The following TMSB10 variants were observed in gnomAD, a reference collection of about 807,000 sequenced individuals.
The protein encoded by TMSB10 is thymosin beta 10, also known as thymosin beta-10.
A neutral mutation model predicts 4.5 loss-of-function variants in TMSB10; 4 were observed. The observed-to-expected ratio is 0.89, with a 90% confidence interval of 0.44 to 2.03. TMSB10 has a LOEUF of 2.03. Ranked by LOEUF, TMSB10 falls within the 30% of genes most tolerant of loss-of-function variation. The pLI, the probability that TMSB10 is intolerant of heterozygous loss-of-function variation, is 0.03. For synonymous variants in TMSB10, 17 were observed against 20.3 expected, an observed-to-expected ratio of 0.84 and a Z score of 0.44; for missense variants, 44 against 53.9, an observed-to-expected ratio of 0.82 and a Z score of 0.57.
intron 1 of TMSB10, 132 bp downstream of exon 1, chr2:84,905,850 CGAGAA>C (rs986524362): frequency 1.8e-6 from 1 of 571,274 alleles, no homozygotes; most frequent in African/African-American, 2.0e-5. Context: ...GCCCTGGGAC[CGAGAA>C]GAGGGGTGCG....
Position 84,906,582 on chromosome 2 carries a change from C to A in TMSB10, c.*159C>A, listed in dbSNP as rs899404539. 26 of 639,840 alleles carry A rather than the reference C, an allele frequency of 4.1e-5. No homozygotes were observed. The highest frequency in any genetic ancestry group is 5.7e-5 in the African/African-American group (3 of 52,740). The allele number at this position is 639,840 out of a possible 1,614,324, so 39.6% of individuals were successfully genotyped here. ...TGTGGGTCTCTGAAGGGACCCCCCC[C>A]CAATCGGACTGCCAAATTCTCCGGT... On this transcript the variant is annotated 3_prime_UTR_variant, in exon 3 of 3. Coordinates refer to ENST00000233143, the MANE Select transcript of TMSB10 (RefSeq NM_021103.4).
At chr2:84,905,949 G>C in intron 1 of TMSB10, 54 bp from the exon 2 acceptor site, 1 of 1,486,318 alleles carries the variant, frequency 6.7e-7, no homozygotes, top group Admixed American at 1.8e-5. Flanking sequence ...CGGGGAGCGC[G>C]GAAGGGGACG....
chr2:84,905,974 C>G, intron 1 of TMSB10, 29 bp from the exon 2 acceptor site: 1 of 1,589,864 alleles, frequency 6.3e-7, no homozygotes, highest in African/African-American at 1.3e-5. Context: ...CCCCCAGGCC[C>G]AGGTCAAGCG....
intron 1 of TMSB10, 131 bp from the exon 2 acceptor site, chr2:84,905,872 G>C (rs1683683908): frequency 1.5e-6 from 1 of 668,732 alleles, no homozygotes; most frequent in East Asian, 3.1e-5. Flanking sequence ...TGCGGGACGC[G>C]CCCAGATCCT....
intron 2 of TMSB10, 102 bp from the exon 3 acceptor site, chr2:84,906,286 TA>T (rs1326613860): frequency 3.4e-6 from 5 of 1,475,568 alleles, no homozygotes; most frequent in Non-Finnish European, 4.5e-6. Flanking sequence ...AGCTTCCTTC[TA>T]AATCCCCACA....
intron 2 of TMSB10, 68 bp from the exon 3 acceptor site, chr2:84,906,321 C>A: frequency 1.3e-6 from 2 of 1,535,786 alleles, no homozygotes; most frequent in Non-Finnish European, 1.8e-6. Context: ...TCGCCCACAC[C>A]GGGAAGCACC....
intron 1 of TMSB10, 41 bp from the exon 2 acceptor site, chr2:84,905,962 G>A: frequency 6.5e-7 from 1 of 1,548,942 alleles, no homozygotes; most frequent in Non-Finnish European, 8.9e-7. Context: ...AGGGGACGCT[G>A]GCCCCCAGGC....
intron 1 of TMSB10, 54 bp from the exon 2 acceptor site, chr2:84,905,949 G>T (rs773647847): frequency 7.8e-5 from 116 of 1,486,200 alleles, no homozygotes; most frequent in Non-Finnish European, 1.0e-4. Flanking sequence ...CGGGGAGCGC[G>T]GAAGGGGACG....
chr2:84,906,191 C>A (rs1683689447), intron 2 of TMSB10, 74 bp downstream of exon 2: 1 of 1,467,552 alleles, frequency 6.8e-7, no homozygotes, highest in Non-Finnish European at 9.3e-7. Context: ...CACTCCTCCA[C>A]CCCCCACCCC....
Position 84,906,019 on chromosome 2 carries a change from TG to T in TMSB10, c.4del (p.Ala2?). The T allele has an allele frequency of 6.2e-7, 1 of 1,613,748 alleles. No individual in the cohort carries two copies. The highest frequency in any genetic ancestry group is 8.5e-7 in the Non-Finnish European group (1 of 1,179,878). On this transcript the variant is annotated frameshift_variant and start_lost, in exon 2 of 3. Coordinates refer to ENST00000233143, the MANE Select transcript of TMSB10 (RefSeq NM_021103.4). LOFTEE classifies it high-confidence loss of function. ...GCCCACTAGGATTGTTTTAAGAAAA[TG>T]GCAGACAAACCAGACATGGGGGAAA... [M>X]ADKPDMGEIA...
At position 84,906,612 on chromosome 2, in the gene TMSB10, C is replaced by T. The variant is rs763562280; in HGVS notation, c.*189C>T. 2.0e-4 allele frequency: 101 copies of T among 517,734 alleles called. No homozygotes were observed. Among genetic ancestry groups the T allele is most frequent in the Non-Finnish European group, 2.7e-4 (81 of 305,260 alleles). 32.1% of individuals were successfully genotyped at this position (517,734 alleles called of 1,614,324 possible). On this transcript the variant is annotated 3_prime_UTR_variant, in exon 3 of 3. Transcript: ENST00000233143. ...CGGACTGCCAAATTCTCCGGTTTGC[C>T]CCGGGATATTATAGAAAATTATTTG...
chr2:84,906,257 T>G (rs937410148), intron 2 of TMSB10, 132 bp from the exon 3 acceptor site: 2 of 1,438,054 alleles, frequency 1.4e-6, no homozygotes, highest in Admixed American at 2.4e-5. Context: ...ACAAAGCGCC[T>G]TGTTTCTCCC....
rs527609103 is a variant in TMSB10 at position 84,906,513 on chromosome 2, A to G, written c.*90A>G. The stretch of plus-strand genomic sequence containing the variant: ...ACCTGCAAGATGGACACGAGCCACA[A>G]GCTGCACTGTGAACCTGGGCACTCC... On this transcript the variant is annotated 3_prime_UTR_variant, in exon 3 of 3. Coordinates refer to ENST00000233143, the MANE Select transcript of TMSB10 (RefSeq NM_021103.4). 6.8e-7 allele frequency: 1 copy of G among 1,477,810 alleles called. No individual in the cohort carries two copies. Among genetic ancestry groups the G allele is most frequent in the South Asian group, 1.2e-5 (1 of 80,508 alleles). The allele number at this position is 1,477,810 out of a possible 1,614,324, so 91.5% of individuals were successfully genotyped here. A position where few individuals can be genotyped will look rare whatever the true frequency, so the allele number is the denominator to read the frequency against.
Position 84,906,555 on chromosome 2 carries a change from C to A in TMSB10, c.*132C>A. On this transcript the variant is annotated 3_prime_UTR_variant, in exon 3 of 3. Coordinates refer to ENST00000233143, the MANE Select transcript of TMSB10 (RefSeq NM_021103.4). ...GGGCACTCCGCGCCGATGCCACCGG[C>A]CTGTGGGTCTCTGAAGGGACCCCCC... The A allele has an allele frequency of 9.6e-7, 1 of 1,044,504 alleles. No individual in the cohort carries two copies. Among genetic ancestry groups the A allele is most frequent in the Non-Finnish European group, 1.3e-6 (1 of 759,202 alleles). 64.7% of individuals were successfully genotyped at this position (1,044,504 alleles called of 1,614,324 possible).
chr2:84,905,827 G>A, intron 1 of TMSB10, 109 bp downstream of exon 1: 1 of 467,866 alleles, frequency 2.1e-6, no homozygotes, highest in Non-Finnish European at 3.8e-6. Flanking sequence ...CGGACGCAGG[G>A]GCCGGCGACC....
chr2:84,906,552 C>A lies in TMSB10; in HGVS notation c.*129C>A. ...CCTGGGCACTCCGCGCCGATGCCACCGGCCTGTGGGTCTCTGAAGGGACCC... is the reference window on the plus strand; with the variant it reads ...CCTGGGCACTCCGCGCCGATGCCACAGGCCTGTGGGTCTCTGAAGGGACCC... On this transcript the variant is annotated 3_prime_UTR_variant, in exon 3 of 3. Transcript: ENST00000233143. The A allele has an allele frequency of 9.1e-7, 1 of 1,097,374 alleles. No homozygotes were observed. Among genetic ancestry groups the A allele is most frequent in the South Asian group, 1.8e-5 (1 of 56,892 alleles). 68.0% of individuals were successfully genotyped at this position (1,097,374 alleles called of 1,614,324 possible).
chr2:84,906,085 C>T lies in TMSB10; in HGVS notation c.68C>T (p.Thr23Met). ...AAGGCCAAGCTGAAGAAAACGGAGACGCAGGAGAAGAACACCCTGCCGACC... is the reference window on the plus strand; with the variant it reads ...AAGGCCAAGCTGAAGAAAACGGAGATGCAGGAGAAGAACACCCTGCCGACC... ...FDKAKLKKTE[T>M]QEKNTLPTKE... Residue 23 changes from threonine to methionine, a missense_variant, in exon 2 of 3, where the codon ACG becomes ATG. Thr to Met is a moderately conservative substitution (Grantham distance 81). Coordinates refer to ENST00000233143, the MANE Select transcript of TMSB10 (RefSeq NM_021103.4). 1.2e-6 allele frequency: 2 copies of T among 1,614,060 alleles called. No homozygotes were observed. Among genetic ancestry groups the T allele is most frequent in the Non-Finnish European group, 1.7e-6 (2 of 1,179,986 alleles).
chr2:84,906,641 G>A lies in TMSB10; in HGVS notation c.*218G>A, dbSNP rs549942896. On this transcript the variant is annotated 3_prime_UTR_variant, in exon 3 of 3. Transcript: ENST00000233143. ...GGATATTATAGAAAATTATTTGTAT[G>A]AATAATGAAAATAAAACACACCTCG... The A allele has an allele frequency of 2.1e-5, 10 of 471,456 alleles. No homozygotes were observed. The highest frequency in any genetic ancestry group is 4.0e-5 in the African/African-American group (2 of 49,792). The allele number at this position is 471,456 out of a possible 1,614,324, so 29.2% of individuals were successfully genotyped here.
In TMSB10 at chr2:84,906,097, A is replaced by G. The variant is rs1242234771; in HGVS notation, c.80A>G (p.Asn27Ser). The G allele has an allele frequency of 1.2e-6, 2 of 1,614,046 alleles. No homozygotes were observed. Among genetic ancestry groups the G allele is most frequent in the Non-Finnish European group, 1.7e-6 (2 of 1,179,978 alleles). Residue 27 changes from asparagine to serine, a missense_variant, in exon 2 of 3, where the codon AAC becomes AGC. Coordinates refer to ENST00000233143, the MANE Select transcript of TMSB10 (RefSeq NM_021103.4). ...KLKKTETQEK[N>S]TLPTKETIEQ... ...AAGAAAACGGAGACGCAGGAGAAGA[A>G]CACCCTGCCGACCAAAGAGAGTGAG...
Sources: gnomAD v4.1 joint callset for allele counts on GRCh38, gnomAD v4.1.1 for gene constraint, MANE v1.5 for transcripts, NCBI Gene and HGNC (gene_info 2026-07-23, HGNC 2026-07-21) for gene names.